ANXA3: variants seen among roughly 807,000 people sequenced by gnomAD.
ANXA3 encodes 35-alpha calcimedin.
A neutral mutation model predicts 48.8 loss-of-function variants in ANXA3; 46 were observed. That is an observed-to-expected ratio of 0.94 (90% CI 0.74 to 1.21). The LOEUF (loss-of-function observed/expected upper bound fraction) is 1.21, where lower values mean the gene tolerates loss of function less well. Among genes scored for constraint, ANXA3 ranks in the 50% most tolerant of loss-of-function variants. ANXA3 has a pLI of 0.00. For synonymous variants in ANXA3, 128 were observed against 134.7 expected (o/e 0.95, Z 0.35); for missense variants, 383 against 378.6 (o/e 1.01, Z -0.10).
At chr4:78,591,992 A>C (rs1433903918) in intron 7 of ANXA3, among the ~76,000 whole-genome samples, 1 of 152,194 alleles carries the variant, frequency 6.6e-6, no homozygotes, top group Non-Finnish European at 1.5e-5. Flanking sequence ...CTGAAGAATA[A>C]ATATTTCTTT....
Position 78,588,927 on chromosome 4 carries a change from T to C in ANXA3, c.403+2577T>C, listed in dbSNP as rs144209942. ...ATATTTCAGTTCAACAAGGTTTACA[T>C]ATTTTACAAAACCCATCAGAACCAG... On this transcript the variant is annotated intron_variant, in intron 6 of 12. Coordinates refer to ENST00000264908, the MANE Select transcript of ANXA3 (RefSeq NM_005139.3). 6.6e-5 allele frequency among the ~76,000 whole-genome samples: 10 copies of C among 152,314 alleles called. No homozygotes were observed. In the East Asian group the frequency reaches 1.7e-3, roughly 26 times the overall value.
intron 2 of ANXA3, among the ~76,000 whole-genome samples, chr4:78,562,108 G>A (rs1330758508): frequency 6.6e-6 from 1 of 152,144 alleles, no homozygotes; most frequent in African/African-American, 2.4e-5. Flanking sequence ...GGAAAAGCCT[G>A]GTAAATCAGA....
chr4:78,609,594 G>A (rs969100956), intron 12 of ANXA3, among the ~76,000 whole-genome samples: 2 of 152,168 alleles, frequency 1.3e-5, no homozygotes, highest in Admixed American at 6.6e-5. Context: ...AAGATTTGAG[G>A]CAAGTTTCCT....
intron 2 of ANXA3, among the ~76,000 whole-genome samples, chr4:78,571,395 A>C (rs1722838336): frequency 2.0e-5 from 3 of 152,200 alleles, no homozygotes; most frequent in Admixed American, 2.0e-4. Context: ...CTAGGTTCTA[A>C]AGTTCTTATT....
chr4:78,601,152 G>A (rs760227969), intron 10 of ANXA3, among the ~76,000 whole-genome samples: 34 of 152,332 alleles, frequency 2.2e-4, no homozygotes, highest in Non-Finnish European at 2.6e-4. Flanking sequence ...TCAGTAGCCC[G>A]AGATGCTAGT....
chr4:78,574,155 C>A (rs6833514), intron 3 of ANXA3, among the ~76,000 whole-genome samples: 110,834 of 152,124 alleles, frequency 0.73, 40,825 homozygotes, highest in East Asian at 0.88. Flanking sequence ...ATGGTGGCTC[C>A]TGCCTGTGAT....
chr4:78,603,153 C>T (rs1232941299), intron 11 of ANXA3: 6 of 152,168 alleles, frequency 3.9e-5, no homozygotes, highest in African/African-American at 1.4e-4. Flanking sequence ...AGTTAATTTG[C>T]TTTGCTGTCT....
intron 2 of ANXA3, among the ~76,000 whole-genome samples, chr4:78,567,268 T>C (rs1722751399): frequency 6.6e-6 from 1 of 152,208 alleles, no homozygotes; most frequent in Non-Finnish European, 1.5e-5. Context: ...GACATGAATA[T>C]ATTATCTCAC....
chr4:78,583,492 C>T (rs1479225955), intron 5 of ANXA3, among the ~76,000 whole-genome samples: 1 of 142,846 alleles, frequency 7.0e-6, no homozygotes, highest in Non-Finnish European at 1.5e-5. Context: ...GGCATGGTGG[C>T]TCATGCCTGT....
At chr4:78,572,484 A>C (rs1318610467) in intron 2 of ANXA3, among the ~76,000 whole-genome samples, 3 of 152,162 alleles carry the variant, frequency 2.0e-5, no homozygotes, top group African/African-American at 7.2e-5. Flanking sequence ...GAAGGCTCAA[A>C]AGTTAGGGGT....
rs1359355121 is a variant in ANXA3 at position 78,558,537 on chromosome 4, CAGTGGTATG to C, written c.15+4051_15+4059del. The stretch of plus-strand genomic sequence containing the variant: ...GATTATGTGTATGATTAGTTTATTA[CAGTGGTATG>C]ATCAAGGGAGAAGTCATTAGTTGCA... On this transcript the variant is annotated intron_variant, in intron 2 of 12. Transcript: ENST00000264908. 2.6e-5 allele frequency among the ~76,000 whole-genome samples: 4 copies of C among 152,274 alleles called. No individual in the cohort carries two copies. The Middle Eastern group carries it at 0.01, about 388-fold the overall frequency.
chr4:78,597,538 A>G, intron 10 of ANXA3, 124 bp downstream of exon 10: 1 of 622,422 alleles, frequency 1.6e-6, no homozygotes, highest in South Asian at 2.0e-5. Flanking sequence ...AGCCCCCAAC[A>G]TGGTCCAGGA....
intron 6 of ANXA3, among the ~76,000 whole-genome samples, chr4:78,586,859 G>T (rs1723190866): frequency 6.6e-6 from 1 of 152,172 alleles, no homozygotes; most frequent in African/African-American, 2.4e-5. Flanking sequence ...GGGTTAGTGT[G>T]ACTTCACAGG....
intron 11 of ANXA3, chr4:78,601,878 C>T: frequency 4.8e-6 from 1 of 206,560 alleles, no homozygotes; most frequent in Non-Finnish European, 9.6e-6. Flanking sequence ...GCTAATATTC[C>T]ACTTGTATGA....
At chr4:78,610,006 C>A in intron 12 of ANXA3, 50 bp from the exon 13 acceptor site, 3 of 1,395,878 alleles carry the variant, frequency 2.1e-6, no homozygotes, top group South Asian at 2.4e-5. Context: ...CATTTATGGT[C>A]TCCCATTATT....
intron 9 of ANXA3, 86 bp from the exon 10 acceptor site, chr4:78,597,233 C>T: frequency 7.2e-6 from 6 of 827,956 alleles, no homozygotes. Context: ...GCTACTTGAT[C>T]TTCTGCATAT....
At chr4:78,558,006 C>T (rs889871801) in intron 2 of ANXA3, among the ~76,000 whole-genome samples, 4 of 152,136 alleles carry the variant, frequency 2.6e-5, no homozygotes, top group African/African-American at 2.4e-5. Flanking sequence ...AAACAAAATG[C>T]GGTACACACA....
intron 5 of ANXA3, among the ~76,000 whole-genome samples, chr4:78,585,287 A>G (rs1160990757): frequency 6.6e-6 from 1 of 152,222 alleles, no homozygotes; most frequent in African/African-American, 2.4e-5. Context: ...TGGTGGCACC[A>G]CCATTATCAG....
chr4:78,569,342 G>A (rs1010221460), intron 2 of ANXA3, among the ~76,000 whole-genome samples: 1 of 152,050 alleles, frequency 6.6e-6, no homozygotes, highest in East Asian at 1.9e-4. Flanking sequence ...AGGACACTAG[G>A]GTTACTGGAA....
Sources: gnomAD v4.1 joint callset for allele counts (sites outside exome capture counted in the v4.1 genomes callset) on GRCh38, gnomAD v4.1.1 for gene constraint, MANE v1.5 for transcripts, NCBI Gene and HGNC (gene_info 2026-07-23, HGNC 2026-07-21) for gene names.